PAPPA: variants seen among roughly 807,000 people sequenced by gnomAD.
The protein encoded by PAPPA is pappalysin 1.
A neutral mutation model predicts 164.0 loss-of-function variants in PAPPA; 60 were observed. The ratio of observed to expected loss-of-function variants is 0.37; its 90% CI spans 0.30 to 0.45. The LOEUF (loss-of-function observed/expected upper bound fraction) is 0.45. Among genes scored for constraint, PAPPA ranks in the 20% least tolerant of loss-of-function variants. The pLI is 1.00. For synonymous variants in PAPPA, 875 were observed against 814.1 expected (o/e 1.07, Z -1.27); for missense variants, 1,782 against 2,087.3 (o/e 0.85, Z 2.85).
rs115036752 is a variant in PAPPA at position 116,199,319 on chromosome 9, G to T, written c.1479-8137G>T. On this transcript the variant is annotated intron_variant, in intron 2 of 21. Coordinates refer to ENST00000328252, the MANE Select transcript of PAPPA (RefSeq NM_002581.5). ...TGCATTTAGAGCAGCAATAAAGGGG[G>T]CTTTGATATGTAGTGTCTGTGACTG... 8.2e-3 allele frequency among the ~76,000 whole-genome samples: 1,255 copies of T among 152,306 alleles called. 15 individuals are homozygous for T. The highest frequency in any genetic ancestry group is 0.028 in the African/African-American group (1,171 of 41,574).
At chr9:116,219,841 G>A in intron 4 of PAPPA, 96 bp from the exon 5 acceptor site, 1 of 986,024 alleles carries the variant, frequency 1.0e-6, no homozygotes, top group Non-Finnish European at 1.5e-6. Flanking sequence ...AACGACTTGG[G>A]TGCTGACTCT....
At chr9:116,210,863 T>C (rs1369065319) in intron 3 of PAPPA, among the ~76,000 whole-genome samples, 6 of 152,188 alleles carry the variant, frequency 3.9e-5, no homozygotes, top group Non-Finnish European at 8.8e-5. Context: ...CCTCAAGTGA[T>C]GTACTTGATG....
intron 7 of PAPPA, among the ~76,000 whole-genome samples, chr9:116,237,391 A>T (rs1844681225): frequency 6.6e-6 from 1 of 152,216 alleles, no homozygotes; most frequent in African/African-American, 2.4e-5. Context: ...AGTTCTATAA[A>T]TATGCTTCCA....
intron 10 of PAPPA, among the ~76,000 whole-genome samples, chr9:116,311,821 G>T (rs1845721506): frequency 6.6e-6 from 1 of 152,210 alleles, no homozygotes; most frequent in Non-Finnish European, 1.5e-5. Flanking sequence ...TGAGCAAATT[G>T]AATCTGGAGA....
At chr9:116,314,027 C>T (rs961348919) in intron 10 of PAPPA, among the ~76,000 whole-genome samples, 1 of 144,246 alleles carries the variant, frequency 6.9e-6, no homozygotes, top group East Asian at 2.0e-4. Flanking sequence ...TAAGTACTAC[C>T]TAAATTCATT....
intron 10 of PAPPA, among the ~76,000 whole-genome samples, chr9:116,329,609 C>T (rs1324131050): frequency 6.6e-6 from 1 of 152,096 alleles, no homozygotes; most frequent in African/African-American, 2.4e-5. Context: ...ATTTTTAATT[C>T]ACATGAATCG....
chr9:116,354,905 C>A (rs938460014), intron 17 of PAPPA, among the ~76,000 whole-genome samples: 3 of 151,938 alleles, frequency 2.0e-5, no homozygotes, highest in African/African-American at 7.3e-5. Flanking sequence ...AGACCCTTCC[C>A]CCATGCCAAT....
At chr9:116,316,592 G>A (rs1346295256) in intron 10 of PAPPA, 1 of 152,210 alleles carries the variant, frequency 6.6e-6, no homozygotes, top group Non-Finnish European at 1.5e-5. Flanking sequence ...CATTGCACCT[G>A]TGGTGGACAA....
chr9:116,192,562 A>G (rs957339095), intron 2 of PAPPA, among the ~76,000 whole-genome samples: 1 of 152,108 alleles, frequency 6.6e-6, no homozygotes, highest in Non-Finnish European at 1.5e-5. Context: ...AGAGCTTACC[A>G]CCTAGTGGGT....
chr9:116,222,292 T>C (rs1455220094), intron 5 of PAPPA, among the ~76,000 whole-genome samples: 1 of 152,204 alleles, frequency 6.6e-6, no homozygotes. Flanking sequence ...ATAATTTGAC[T>C]TCCACTTTTT....
At chr9:116,197,674 C>T (rs1844124121) in intron 2 of PAPPA, among the ~76,000 whole-genome samples, 1 of 152,182 alleles carries the variant, frequency 6.6e-6, no homozygotes, top group African/African-American at 2.4e-5. Flanking sequence ...TGTTTAACCC[C>T]AAGGGAGACC....
chr9:116,268,307 A>C (rs1845095585), intron 8 of PAPPA, among the ~76,000 whole-genome samples: 1 of 152,220 alleles, frequency 6.6e-6, no homozygotes, highest in South Asian at 2.1e-4. Context: ...AATTGGGGAA[A>C]GGGAAACTTC....
At chr9:116,367,988 C>T (rs1410377720) in intron 19 of PAPPA, among the ~76,000 whole-genome samples, 1 of 152,106 alleles carries the variant, frequency 6.6e-6, no homozygotes, top group Non-Finnish European at 1.5e-5. Flanking sequence ...CTGTCAGGTC[C>T]TATGTGAAGG....
chr9:116,237,815 G>C (rs1844688595), intron 7 of PAPPA, among the ~76,000 whole-genome samples: 1 of 151,842 alleles, frequency 6.6e-6, no homozygotes, highest in Non-Finnish European at 1.5e-5. Context: ...CACCCCCCAG[G>C]TATAAGCAAT....
Position 116,180,923 on chromosome 9 carries a change from T to G in PAPPA, c.416-6231T>G, listed in dbSNP as rs542270968. Among the ~76,000 whole-genome samples the G allele has an allele frequency of 7.2e-5, 11 of 152,300 alleles. 1 individual carries two copies. The South Asian group carries it at 2.3e-3, about 32-fold the overall frequency. On this transcript the variant is annotated intron_variant, in intron 1 of 21. Transcript: ENST00000328252. Reference sequence around the variant, plus strand: ...GACCTCGCCTCTCTGACTTTCCAGTTTTCTGATCTGTAAATAGTACCTATT... The same window carrying G: ...GACCTCGCCTCTCTGACTTTCCAGTGTTCTGATCTGTAAATAGTACCTATT...
chr9:116,377,142 C>A (rs185102971), intron 19 of PAPPA, among the ~76,000 whole-genome samples: 23 of 152,132 alleles, frequency 1.5e-4, no homozygotes, highest in Admixed American at 5.9e-4. Context: ...AGTTTTCTCC[C>A]ATCCGCCTGC....
chr9:116,338,366 A>T (rs1400330228), intron 13 of PAPPA, among the ~76,000 whole-genome samples: 1 of 152,180 alleles, frequency 6.6e-6, no homozygotes, highest in Non-Finnish European at 1.5e-5. Flanking sequence ...TTTGGGGGGC[A>T]ACAAGTTCTT....
At chr9:116,181,104 G>T (rs1010408162) in intron 1 of PAPPA, among the ~76,000 whole-genome samples, 2 of 152,198 alleles carry the variant, frequency 1.3e-5, no homozygotes, top group Non-Finnish European at 2.9e-5. Flanking sequence ...TGTAACAAGA[G>T]AAAAATTCTG....
chr9:116,164,460 TG>T (rs1366694366), intron 1 of PAPPA, among the ~76,000 whole-genome samples: 1 of 152,214 alleles, frequency 6.6e-6, no homozygotes, highest in Non-Finnish European at 1.5e-5. Flanking sequence ...TAGAGAACCC[TG>T]GTCAGGTCTC....
Sources: gnomAD v4.1 joint callset for allele counts (sites outside exome capture counted in the v4.1 genomes callset) on GRCh38, gnomAD v4.1.1 for gene constraint, MANE v1.5 for transcripts, NCBI Gene and HGNC (gene_info 2026-07-23, HGNC 2026-07-21) for gene names.